The following DLG2 variants were observed in gnomAD, a reference collection of about 807,000 sequenced individuals.
DLG2 encodes discs large MAGUK scaffold protein 2.
DLG2 carries 45 observed loss-of-function variants against 132.5 expected under a neutral mutation model. The observed-to-expected ratio is 0.34, with a 90% CI of 0.27 to 0.44. The LOEUF (loss-of-function observed/expected upper bound fraction) is 0.44. Ranked by LOEUF, DLG2 falls within the 20% of genes least tolerant of loss-of-function variation. The pLI is 1.00. For missense variants in DLG2, 1,045 were observed against 1,196.9 expected (o/e 0.87, Z 1.87); for synonymous variants, 424 against 419.6 (o/e 1.01, Z -0.13).
intron 18 of DLG2, chr11:83,646,461 C>T (rs995771307): frequency 5.3e-5 from 8 of 152,014 alleles, no homozygotes; most frequent in African/African-American, 1.9e-4. Flanking sequence ...GGTAACACAC[C>T]TCCCCTTCAC....
At chr11:84,168,955 C>G (rs1347627656) in intron 8 of DLG2, among the ~76,000 whole-genome samples, 4 of 152,068 alleles carry the variant, frequency 2.6e-5, no homozygotes, top group Non-Finnish European at 5.9e-5. Flanking sequence ...TGATGCATTA[C>G]TGCTCTTTAC....
At chr11:84,283,218 T>C (rs570178440) in intron 7 of DLG2, among the ~76,000 whole-genome samples, 2 of 152,292 alleles carry the variant, frequency 1.3e-5, no homozygotes, top group South Asian at 2.1e-4. Flanking sequence ...CTTTCCCACA[T>C]GGCATCCCCA....
intron 3 of DLG2, among the ~76,000 whole-genome samples, chr11:85,487,176 T>C (rs553057552): frequency 6.6e-6 from 1 of 151,562 alleles, no homozygotes; most frequent in East Asian, 1.9e-4. Context: ...TCCTCCCCCA[T>C]GAAAGCAACT....
intron 6 of DLG2, among the ~76,000 whole-genome samples, chr11:84,936,366 G>T (rs909506074): frequency 5.7e-4 from 86 of 152,110 alleles, no homozygotes; most frequent in African/African-American, 2.0e-3. Flanking sequence ...ACATGGAAGG[G>T]ATTAACATGA....
chr11:83,695,649 G>T (rs2081776155), intron 18 of DLG2, among the ~76,000 whole-genome samples: 2 of 152,170 alleles, frequency 1.3e-5, no homozygotes, highest in African/African-American at 4.8e-5. Context: ...TGAGGCAGGA[G>T]AATCACTTAA....
At chr11:84,858,081 T>G (rs112196214) in intron 6 of DLG2, among the ~76,000 whole-genome samples, 2 of 151,964 alleles carry the variant, frequency 1.3e-5, no homozygotes, top group Non-Finnish European at 1.5e-5. Context: ...TTTGTAGAGA[T>G]AAGGTTTCTC....
chr11:85,034,261 G>A (rs1401806160), intron 6 of DLG2, among the ~76,000 whole-genome samples: 3 of 151,960 alleles, frequency 2.0e-5, no homozygotes, highest in Non-Finnish European at 4.4e-5. Context: ...TGTATTTTTA[G>A]TAGAGACGGA....
intron 6 of DLG2, among the ~76,000 whole-genome samples, chr11:84,768,866 G>T (rs904256429): frequency 1.3e-5 from 2 of 151,928 alleles, no homozygotes; most frequent in Non-Finnish European, 2.9e-5. Context: ...CTCTAGGCCA[G>T]CTCCTCCCCT....
intron 19 of DLG2, among the ~76,000 whole-genome samples, chr11:83,606,282 T>C (rs2059320981): frequency 1.3e-5 from 2 of 152,152 alleles, no homozygotes; most frequent in Non-Finnish European, 2.9e-5. Flanking sequence ...TATACTATAG[T>C]TGTAGTCAGT....
chr11:83,708,829 C>G (rs1286314291), intron 18 of DLG2, among the ~76,000 whole-genome samples: 1 of 152,072 alleles, frequency 6.6e-6, no homozygotes, highest in Non-Finnish European at 1.5e-5. Context: ...ATGCCCAAGG[C>G]TGTGTAGGCT....
intron 6 of DLG2, among the ~76,000 whole-genome samples, chr11:84,942,549 T>C (rs2049588110): frequency 6.6e-6 from 1 of 152,228 alleles, no homozygotes; most frequent in Non-Finnish European, 1.5e-5. Context: ...CCTCTTATTA[T>C]TGATTTTTAG....
chr11:85,246,297 G>T (rs1357644623), intron 4 of DLG2, among the ~76,000 whole-genome samples: 1 of 151,836 alleles, frequency 6.6e-6, no homozygotes, highest in Non-Finnish European at 1.5e-5. Flanking sequence ...AGAATTCAAG[G>T]TTTATTCACA....
chr11:84,407,871 T>G (rs1438196905), intron 7 of DLG2, among the ~76,000 whole-genome samples: 1 of 152,206 alleles, frequency 6.6e-6, no homozygotes, highest in Admixed American at 6.5e-5. Flanking sequence ...ATCATCACTG[T>G]AGACCTACTT....
At chr11:85,475,692 C>T (rs1383915952) in intron 3 of DLG2, among the ~76,000 whole-genome samples, 2 of 152,056 alleles carry the variant, frequency 1.3e-5, no homozygotes, top group Non-Finnish European at 2.9e-5. Context: ...TTTACAACAA[C>T]GTCTGATGTA....
intron 3 of DLG2, among the ~76,000 whole-genome samples, chr11:85,568,994 T>A (rs867381308): frequency 6.6e-6 from 1 of 152,080 alleles, no homozygotes; most frequent in African/African-American, 2.4e-5. Flanking sequence ...GGTGGAAGAT[T>A]GGGTCATTTA....
At chr11:84,815,006 G>A (rs1362223445) in intron 6 of DLG2, among the ~76,000 whole-genome samples, 1 of 152,070 alleles carries the variant, frequency 6.6e-6, no homozygotes, top group Non-Finnish European at 1.5e-5. Flanking sequence ...AGAAGTAAGA[G>A]AAGGCTTTGG....
intron 13 of DLG2, among the ~76,000 whole-genome samples, chr11:83,964,602 A>G (rs775283686): frequency 1.4e-4 from 22 of 152,132 alleles, no homozygotes; most frequent in Admixed American, 5.9e-4. Context: ...TTACATTTAC[A>G]TAACAAAGTA....
chr11:84,490,893 G>A (rs1231145524), intron 7 of DLG2, among the ~76,000 whole-genome samples: 1 of 151,790 alleles, frequency 6.6e-6, no homozygotes, highest in Non-Finnish European at 1.5e-5. Flanking sequence ...TTGCGTGTGT[G>A]TGTGTGTGTG....
chr11:84,508,492 T>A (rs758202303), intron 7 of DLG2, among the ~76,000 whole-genome samples: 4 of 150,730 alleles, frequency 2.7e-5, no homozygotes, highest in Non-Finnish European at 4.4e-5. Context: ...AACCTCCGTC[T>A]CCCGGGTTCA....
Sources: gnomAD v4.1 joint callset for allele counts (sites outside exome capture counted in the v4.1 genomes callset) on GRCh38, gnomAD v4.1.1 for gene constraint, MANE v1.5 for transcripts, NCBI Gene and HGNC (gene_info 2026-07-23, HGNC 2026-07-21) for gene names.